The following CCN1 variants were observed in gnomAD, a reference collection of about 807,000 sequenced individuals.
CCN1 encodes cellular communication network factor 1, also known as CCN family member 1.
CCN1 carries 12 observed loss-of-function variants against 38.1 expected under a neutral mutation model. That is an observed-to-expected ratio of 0.31 (90% CI 0.20 to 0.51). The LOEUF is 0.51. Among genes scored for constraint, CCN1 ranks in the 20% least tolerant of loss-of-function variants. CCN1 has a pLI of 0.97. For synonymous variants in CCN1, 202 were observed against 196.1 expected, an observed-to-expected ratio of 1.03 and a Z score of -0.25; for missense variants, 466 against 490.9, an observed-to-expected ratio of 0.95 and a Z score of 0.48.
In CCN1 at chr1:85,583,080, A is replaced by C; in HGVS notation, c.*38A>C. 6.4e-7 allele frequency: 1 copy of C among 1,571,048 alleles called. No homozygotes were observed. The highest frequency in any genetic ancestry group is 8.7e-7 in the Non-Finnish European group (1 of 1,149,090). Reference sequence around the variant, plus strand: ...TTTCCAGGGCACACCTAGACAAACAAGGGAGAAGAGTGTCAGAATCAGAAT... The same window carrying C: ...TTTCCAGGGCACACCTAGACAAACACGGGAGAAGAGTGTCAGAATCAGAAT... On this transcript the variant is annotated 3_prime_UTR_variant, in exon 5 of 5. Transcript: ENST00000451137.
intron 3 of CCN1, 57 bp from the exon 4 acceptor site, chr1:85,582,359 T>A (rs768121188): frequency 6.2e-7 from 1 of 1,613,328 alleles, no homozygotes; most frequent in Admixed American, 1.7e-5. Flanking sequence ...AAATGAGTGC[T>A]TGAGCCTGTT....
Position 85,581,930 on chromosome 1 carries a change from C to CA in CCN1, c.281dup (p.Ser95ValfsTer7). The CA allele has an allele frequency of 6.2e-7, 1 of 1,613,692 alleles. No individual in the cohort carries two copies. The highest frequency in any genetic ancestry group is 8.5e-7 in the Non-Finnish European group (1 of 1,179,578). On this transcript the variant is annotated frameshift_variant, in exon 3 of 5. Transcript: ENST00000451137. LOFTEE classifies it high-confidence loss of function. ...TTCTCTTTTGGTGATCTTTGCAGCT[C>CA]AGTCAGAGGGCAGACCCTGTGAATA...
rs761889399 is a variant in CCN1 at position 85,581,414 on chromosome 1, A to C, written c.113A>C (p.Lys38Thr). 6.2e-7 allele frequency: 1 copy of C among 1,607,236 alleles called. No individual in the cohort carries two copies. The highest frequency in any genetic ancestry group is 8.5e-7 in the Non-Finnish European group (1 of 1,177,640). ...AACHCPLEAPKCAPGVGLVRD... is the reference protein window; with the variant it reads ...AACHCPLEAPTCAPGVGLVRD... Reference sequence around the variant, plus strand: ...TGCCACTGCCCCCTGGAGGCGCCCAAGTGCGCGCCGGGAGTCGGGCTGGTC... The same window carrying C: ...TGCCACTGCCCCCTGGAGGCGCCCACGTGCGCGCCGGGAGTCGGGCTGGTC... Residue 38 changes from lysine to threonine, a missense_variant, in exon 2 of 5, where the codon AAG becomes ACG. Around this residue, in one of 3 missense-constraint regions of CCN1, gnomAD observed 146 missense variants for 141.1 expected, o/e 1.03. Transcript: ENST00000451137.
Position 85,583,087 on chromosome 1 carries a change from A to G in CCN1, c.*45A>G. 1 of 1,564,306 alleles carries G rather than the reference A, an allele frequency of 6.4e-7. No homozygotes were observed. The highest frequency in any genetic ancestry group is 1.2e-5 in the South Asian group (1 of 85,360). ...GGCACACCTAGACAAACAAGGGAGA[A>G]GAGTGTCAGAATCAGAATCATGGAG... is the stretch of plus-strand genomic sequence containing the variant. On this transcript the variant is annotated 3_prime_UTR_variant, in exon 5 of 5. Transcript: ENST00000451137.
chr1:85,581,321 T>G (rs1379953505), intron 1 of CCN1, 44 bp from the exon 2 acceptor site: 1 of 1,514,684 alleles, frequency 6.6e-7, no homozygotes, highest in Non-Finnish European at 8.8e-7. Context: ...GCGCCCCTCC[T>G]GCGCACCGCG....
Position 85,581,995 on chromosome 1 carries a change from C to T in CCN1, c.345C>T (p.Pro115=), listed in dbSNP as rs1175723204. ...RIYQNGESFQ[P]NCKHQCTCID... is the part of the protein sequence containing the mutation. Reference sequence around the variant, plus strand: ...ACCAAAACGGGGAAAGTTTCCAGCCCAACTGTAAACATCAGTGCACATGTA... The same window carrying T: ...ACCAAAACGGGGAAAGTTTCCAGCCTAACTGTAAACATCAGTGCACATGTA... The change falls in exon 3 of 5, where the codon CCC becomes CCT. Residue 115 remains proline, a synonymous_variant. Transcript: ENST00000451137. 3 of 1,614,154 alleles carry T rather than the reference C, an allele frequency of 1.9e-6. No homozygotes were observed. The highest frequency in any genetic ancestry group is 2.2e-5 in the South Asian group (2 of 91,078).
intron 1 of CCN1, 32 bp from the exon 2 acceptor site, chr1:85,581,333 C>T: frequency 6.5e-7 from 1 of 1,533,266 alleles, no homozygotes; most frequent in Non-Finnish European, 8.8e-7. Context: ...CGCACCGCGC[C>T]GAGTCTCACG....
In CCN1 at chr1:85,581,467, T is replaced by G. The variant is rs917598123; in HGVS notation, c.166T>G (p.Cys56Gly). 3.1e-6 allele frequency: 5 copies of G among 1,612,488 alleles called. No homozygotes were observed. The African/African-American group carries it at 6.7e-5, about 22-fold the overall frequency. ...GGACGGCTGCGGCTGCTGTAAGGTC[T>G]GCGCCAAGCAGCTCAACGAGGACTG... is the stretch of plus-strand genomic sequence containing the variant. ...VRDGCGCCKV[C>G]AKQLNEDCSK... The change falls in exon 2 of 5, where the codon TGC (cysteine) becomes GGC (glycine). Residue 56 changes from cysteine to glycine, a missense_variant. By Grantham distance (159) the Cys-to-Gly change is radical (BLOSUM62 -3). Around this residue, in one of 3 missense-constraint regions of CCN1, gnomAD observed 146 missense variants for 141.1 expected, o/e 1.03. Transcript: ENST00000451137.
At position 85,582,438 on chromosome 1, in the gene CCN1, C is replaced by A. The variant is rs1659811218; in HGVS notation, c.657C>A (p.Ile219=). Residue 219 remains isoleucine (I), a synonymous_variant, in exon 4 of 5, where the codon ATC becomes ATA. Transcript: ENST00000451137. ...RLPVFGMEPR[I]LYNPLQGQKC... is the part of the protein sequence containing the mutation. ...TAGTTTTTGGAATGGAGCCTCGCAT[C>A]CTATACAACCCTTTACAAGGCCAGA... The A allele has an allele frequency of 3.7e-6, 6 of 1,614,034 alleles. No homozygotes were observed. The highest frequency in any genetic ancestry group is 2.7e-5 in the African/African-American group (2 of 74,926).
intron 1 of CCN1, 85 bp downstream of exon 1, chr1:85,581,132 A>G: frequency 1.4e-6 from 2 of 1,457,934 alleles, no homozygotes; most frequent in Non-Finnish European, 1.8e-6. Context: ...CGGCAGGAAA[A>G]GTTAAAAAGT....
At position 85,582,112 on chromosome 1, in the gene CCN1, C is replaced by A. The variant is rs766062712; in HGVS notation, c.462C>A (p.Thr154=). ...CCAACCCTCGGCTGGTCAAAGTTACCGGGCAGTGCTGCGAGGAGTGGGTCT... is the reference window on the plus strand; with the variant it reads ...CCAACCCTCGGCTGGTCAAAGTTACAGGGCAGTGCTGCGAGGAGTGGGTCT... ...GCPNPRLVKV[T]GQCCEEWVCD... Residue 154 remains threonine, a synonymous_variant, in exon 3 of 5, where the codon ACC becomes ACA. Transcript: ENST00000451137. The A allele has an allele frequency of 6.2e-7, 1 of 1,614,016 alleles. No individual in the cohort carries two copies. Among genetic ancestry groups the A allele is most frequent in the Non-Finnish European group, 8.5e-7 (1 of 1,180,034 alleles).
Position 85,580,781 on chromosome 1 carries a change from C to G in CCN1, c.-204C>G. 5.0e-6 allele frequency: 2 copies of G among 403,544 alleles called. No homozygotes were observed. Among genetic ancestry groups the G allele is most frequent in the South Asian group, 9.4e-5 (1 of 10,612 alleles). 25.0% of individuals were successfully genotyped at this position (403,544 alleles called of 1,614,324 possible). ...TGGGCAGACCGCGAGCGAGAGCGCC[C>G]CCGAGCAGCGCCCGCGCCCTCCGCG... On this transcript the variant is annotated 5_prime_UTR_variant, in exon 1 of 5. Coordinates refer to ENST00000451137, the MANE Select transcript of CCN1 (RefSeq NM_001554.5).
In CCN1 at chr1:85,583,150, G is replaced by A; in HGVS notation, c.*108G>A. ...GGTGGTGTGGGTGATGGGACTCATT[G>A]TAGAAAGGAAGCCTTGCTCATTCTT... On this transcript the variant is annotated 3_prime_UTR_variant, in exon 5 of 5. Coordinates refer to ENST00000451137, the MANE Select transcript of CCN1 (RefSeq NM_001554.5). 8.3e-7 allele frequency: 1 copy of A among 1,206,186 alleles called. No homozygotes were observed. The highest frequency in any genetic ancestry group is 1.2e-6 in the Non-Finnish European group (1 of 858,762). The allele number at this position is 1,206,186 out of a possible 1,614,324, so 74.7% of individuals were successfully genotyped here.
chr1:85,580,895 C>T lies in CCN1; in HGVS notation c.-90C>T, dbSNP rs1659757277. On this transcript the variant is annotated 5_prime_UTR_variant, in exon 1 of 5. Coordinates refer to ENST00000451137, the MANE Select transcript of CCN1 (RefSeq NM_001554.5). ...CACCGGGCCCACCGCGCCGCCACCC[C>T]GACCCCGCTGCGCACGGCCTGTCCG... The T allele has an allele frequency of 7.8e-7, 1 of 1,290,248 alleles. No homozygotes were observed. The highest frequency in any genetic ancestry group is 1.6e-5 in the African/African-American group (1 of 64,322). 79.9% of individuals were successfully genotyped at this position (1,290,248 alleles called of 1,614,324 possible). A position where few individuals can be genotyped will look rare whatever the true frequency, so the allele number is the denominator to read the frequency against.
chr1:85,581,759 A>C, intron 2 of CCN1, 169 bp from the exon 3 acceptor site: 1 of 1,094,178 alleles, frequency 9.1e-7, no homozygotes, highest in South Asian at 1.5e-5. Flanking sequence ...GCGCATACGG[A>C]AAAGTGATTC....
rs1346496644 is a variant in CCN1, at chr1:85,581,440, C to G, written c.139C>G (p.Arg47Gly). Residue 47 changes from arginine to glycine, a missense_variant, in exon 2 of 5, where the codon CGG becomes GGG. Arg to Gly is a moderately radical substitution (Grantham distance 125, BLOSUM62 -2). This residue lies in a region of CCN1 where 146 missense variants were observed against 141.1 expected (regional missense o/e 1.03). Coordinates refer to ENST00000451137, the MANE Select transcript of CCN1 (RefSeq NM_001554.5). The part of the protein sequence containing the change: ...PKCAPGVGLV[R>G]DGCGCCKVCA... ...GTGCGCGCCGGGAGTCGGGCTGGTC[C>G]GGGACGGCTGCGGCTGCTGTAAGGT... 8.7e-6 allele frequency: 14 copies of G among 1,609,710 alleles called. No individual in the cohort carries two copies. The highest frequency in any genetic ancestry group is 1.2e-5 in the Non-Finnish European group (14 of 1,178,750).
Position 85,583,034 on chromosome 1 carries a change from A to G in CCN1, c.1138A>G (p.Arg380Gly), listed in dbSNP as rs1394521985. Reference protein sequence around the residue: ...YRLFNDIHKFRD With the variant: ...YRLFNDIHKFGD ...GCTGTTCAATGACATTCACAAATTT[A>G]GGGACTAAATGCTACCTGGGTTTCC... Residue 380 changes from arginine (R) to glycine (G), a missense_variant, in exon 5 of 5, where the codon AGG becomes GGG. By Grantham distance (125) the Arg-to-Gly change is moderately radical. Around this residue, in one of 3 missense-constraint regions of CCN1, gnomAD observed 309 missense variants for 319.9 expected, o/e 0.97. Coordinates refer to ENST00000451137, the MANE Select transcript of CCN1 (RefSeq NM_001554.5). 1.9e-6 allele frequency: 3 copies of G among 1,608,564 alleles called. No individual in the cohort carries two copies. Among genetic ancestry groups the G allele is most frequent in the Non-Finnish European group, 2.6e-6 (3 of 1,175,302 alleles).
intron 2 of CCN1, 86 bp downstream of exon 2, chr1:85,581,664 G>A: frequency 6.8e-7 from 1 of 1,473,422 alleles, no homozygotes; most frequent in Non-Finnish European, 9.3e-7. Context: ...CATGTATGGT[G>A]ATGCTTTGTT....
chr1:85,583,329 T>C lies in CCN1; in HGVS notation c.*287T>C. On this transcript the variant is annotated 3_prime_UTR_variant, in exon 5 of 5. Coordinates refer to ENST00000451137, the MANE Select transcript of CCN1 (RefSeq NM_001554.5). ...GGAGTTGATGACTTTCTGTTTTCTG[T>C]TTGTAAATTATTTGCTAAGCATATT... 2.5e-6 allele frequency: 1 copy of C among 400,634 alleles called. No homozygotes were observed. 24.8% of individuals were successfully genotyped at this position (400,634 alleles called of 1,614,324 possible). A position where few individuals can be genotyped will look rare whatever the true frequency, so the allele number is the denominator to read the frequency against.
Sources: gnomAD v4.1 joint callset for allele counts on GRCh38, gnomAD v4.1.1 for gene constraint, gnomAD v4.1.1 regional missense constraint, MANE v1.5 for transcripts, NCBI Gene and HGNC (gene_info 2026-07-23, HGNC 2026-07-21) for gene names.